FBXL17: variants seen among roughly 807,000 people sequenced by gnomAD.
FBXL17 encodes the protein F-box/LRR-repeat protein 17.
A neutral mutation model predicts 66.2 loss-of-function variants in FBXL17; 22 were observed. That is an observed-to-expected ratio of 0.33 (90% CI 0.24 to 0.47). FBXL17 has a LOEUF of 0.47. Among genes scored for constraint, FBXL17 ranks in the 20% least tolerant of loss-of-function variants. FBXL17 has a pLI of 1.00. For synonymous variants in FBXL17, 474 were observed against 400.5 expected (o/e 1.18, Z -2.19); for missense variants, 878 against 948.2 (o/e 0.93, Z 0.97).
rs1749972248 is a variant in FBXL17, at chr5:108,381,765, C to A, written c.-74G>T. On this transcript the variant is annotated 5_prime_UTR_variant, in exon 1 of 9. Transcript: ENST00000542267. ...GAGAGGCGGGCTCCCGGCAGCGGGG[C>A]AGGCCGCTCGCTGGCTCGGCCCCCG... 1 of 1,370,664 alleles carries A rather than the reference C, an allele frequency of 7.3e-7. No individual in the cohort carries two copies. The highest frequency in any genetic ancestry group is 9.4e-7 in the Non-Finnish European group (1 of 1,067,636). 84.9% of individuals were successfully genotyped at this position (1,370,664 alleles called of 1,614,324 possible).
chr5:107,896,858 T>A (rs1749402867), intron 7 of FBXL17, among the ~76,000 whole-genome samples: 1 of 3,950 alleles, frequency 2.5e-4, no homozygotes, highest in East Asian at 3.6e-3. Flanking sequence ...AATTTGGCAT[T>A]TTTTTTGTGA....
intron 6 of FBXL17, among the ~76,000 whole-genome samples, chr5:108,077,169 T>C (rs1748585702): frequency 6.6e-6 from 1 of 152,214 alleles, no homozygotes; most frequent in Non-Finnish European, 1.5e-5. Context: ...ATATCAAAAG[T>C]CTAATCTGAG....
chr5:107,930,492 C>A (rs1276390435), intron 7 of FBXL17, among the ~76,000 whole-genome samples: 2 of 152,204 alleles, frequency 1.3e-5, no homozygotes, highest in East Asian at 1.9e-4. Flanking sequence ...TGTAAATTCC[C>A]TGAAGCACTA....
intron 6 of FBXL17, among the ~76,000 whole-genome samples, chr5:108,175,314 C>A (rs1350347761): frequency 6.6e-6 from 1 of 152,188 alleles, no homozygotes; most frequent in Non-Finnish European, 1.5e-5. Context: ...AACAAAACGT[C>A]ACACATCCGC....
In FBXL17 at chr5:108,114,351, A is replaced by C. The variant is rs142671318; in HGVS notation, c.1745+71766T>G. Among the ~76,000 whole-genome samples, 217 of 152,196 alleles carry C rather than the reference A, an allele frequency of 1.4e-3. 1 individual carries two copies. Among genetic ancestry groups the C allele is most frequent in the African/African-American group, 5.2e-3 (214 of 41,538 alleles). ...TCCCTATAAGTTGTCTCTTGTTTCC[A>C]AATTATTATAAATTCAGTATGACAT... On this transcript the variant is annotated intron_variant, in intron 6 of 8. Transcript: ENST00000542267.
intron 6 of FBXL17, among the ~76,000 whole-genome samples, chr5:108,170,273 T>C (rs1003471921): frequency 2.0e-5 from 3 of 152,116 alleles, no homozygotes; most frequent in African/African-American, 7.2e-5. Flanking sequence ...GAGGAAATGC[T>C]CCCAGACATT....
chr5:108,155,306 G>C (rs1057259809), intron 6 of FBXL17, among the ~76,000 whole-genome samples: 2 of 152,066 alleles, frequency 1.3e-5, no homozygotes, highest in Non-Finnish European at 2.9e-5. Context: ...CACGAGGTCT[G>C]GAGTTTAAGA....
In FBXL17 at chr5:107,872,044, C is replaced by A. The variant is rs1386494670; in HGVS notation, c.1965+8993G>T. ...AAAAATCTTTCTAAAATTGCCATTTCCATTATGCAGAATTTAGGAATTTGA... is the reference window on the plus strand; with the variant it reads ...AAAAATCTTTCTAAAATTGCCATTTACATTATGCAGAATTTAGGAATTTGA... On this transcript the variant is annotated intron_variant, in intron 8 of 8. Transcript: ENST00000542267. Among the ~76,000 whole-genome samples the A allele has an allele frequency of 4.6e-5, 7 of 152,262 alleles. No individual in the cohort carries two copies. The East Asian group carries it at 1.3e-3, about 29-fold the overall frequency.
At chr5:108,197,118 T>C (rs1482518960) in intron 5 of FBXL17, among the ~76,000 whole-genome samples, 3 of 152,158 alleles carry the variant, frequency 2.0e-5, no homozygotes. Context: ...CCACCAAATC[T>C]CTTTCTTTCC....
chr5:107,931,641 C>A (rs886652854), intron 7 of FBXL17, among the ~76,000 whole-genome samples: 48 of 151,926 alleles, frequency 3.2e-4, no homozygotes, highest in African/African-American at 1.1e-3. Context: ...CAAACATGAC[C>A]TCATTCTGAC....
intron 1 of FBXL17, among the ~76,000 whole-genome samples, chr5:108,376,388 A>T (rs1749423856): frequency 6.6e-6 from 1 of 152,206 alleles, no homozygotes; most frequent in African/African-American, 2.4e-5. Flanking sequence ...CAGAGAATAA[A>T]CACAAAAATT....
At chr5:107,949,492 G>C (rs1010349818) in intron 7 of FBXL17, among the ~76,000 whole-genome samples, 1 of 152,116 alleles carries the variant, frequency 6.6e-6, no homozygotes, top group Non-Finnish European at 1.5e-5. Flanking sequence ...ATGTTTTAAT[G>C]AGCAGGGCTG....
chr5:108,274,254 G>C (rs1757393445), intron 4 of FBXL17, among the ~76,000 whole-genome samples: 1 of 152,220 alleles, frequency 6.6e-6, no homozygotes, highest in Non-Finnish European at 1.5e-5. Flanking sequence ...TCTCACCTCT[G>C]CAGTCTCGAC....
At chr5:108,324,740 ATG>A (rs10540114) in intron 4 of FBXL17, among the ~76,000 whole-genome samples, 75,381 of 150,944 alleles carry the variant, frequency 0.5, 18,831 homozygotes, top group African/African-American at 0.54. Context: ...ATGTATATAT[ATG>A]TGTGTGTGTG....
chr5:108,349,837 A>C (rs913367420), intron 3 of FBXL17, among the ~76,000 whole-genome samples: 9 of 152,204 alleles, frequency 5.9e-5, no homozygotes, highest in African/African-American at 1.7e-4. Flanking sequence ...CCAGGAAAGC[A>C]GATTTTTTAA....
chr5:108,053,541 T>C (rs984258671), intron 6 of FBXL17, among the ~76,000 whole-genome samples: 1 of 151,518 alleles, frequency 6.6e-6, no homozygotes, highest in Non-Finnish European at 1.5e-5. Flanking sequence ...ATTGGAGACA[T>C]GTAAATCAAA....
intron 4 of FBXL17, among the ~76,000 whole-genome samples, chr5:108,245,489 G>A (rs531070416): frequency 6.6e-6 from 1 of 152,162 alleles, no homozygotes; most frequent in South Asian, 2.1e-4. Context: ...CTAAAATTAG[G>A]TTATACATTT....
chr5:108,363,041 G>A (rs972347341), intron 3 of FBXL17, among the ~76,000 whole-genome samples: 9 of 151,880 alleles, frequency 5.9e-5, no homozygotes, highest in Non-Finnish European at 1.0e-4. Flanking sequence ...TTCCCTCTTA[G>A]GCTTTCGTAA....
intron 6 of FBXL17, among the ~76,000 whole-genome samples, chr5:108,136,603 A>T (rs1751144332): frequency 6.6e-6 from 1 of 152,096 alleles, no homozygotes; most frequent in Non-Finnish European, 1.5e-5. Context: ...ACTTAGTGGG[A>T]CCCTCCTTAC....
Sources: gnomAD v4.1 joint callset for allele counts (sites outside exome capture counted in the v4.1 genomes callset) on GRCh38, gnomAD v4.1.1 for gene constraint, MANE v1.5 for transcripts, NCBI Gene and HGNC (gene_info 2026-07-23, HGNC 2026-07-21) for gene names.